Variants in ADAMTS16 observed in about 807,000 individuals in gnomAD.
ADAMTS16 encodes the protein A disintegrin and metalloproteinase with thrombospondin motifs 16.
ADAMTS16 carries 94 observed loss-of-function variants against 145.8 expected under a neutral mutation model. The observed-to-expected ratio is 0.64, with a 90% CI of 0.55 to 0.77. ADAMTS16 has a LOEUF of 0.77. Ranked by LOEUF, ADAMTS16 falls within the 30% of genes least tolerant of loss-of-function variation. ADAMTS16 has a pLI of 0.00. For missense variants in ADAMTS16, 1,585 were observed against 1,591.5 expected, an observed-to-expected ratio of 1.00 and a Z score of 0.07; for synonymous variants, 659 against 604.3, an observed-to-expected ratio of 1.09 and a Z score of -1.33.
intron 18 of ADAMTS16, among the ~76,000 whole-genome samples, chr5:5,274,616 T>C (rs1204268275): frequency 6.6e-6 from 1 of 152,142 alleles, no homozygotes; most frequent in East Asian, 1.9e-4. Flanking sequence ...GACATCTTGG[T>C]TGCTTTACTT....
intron 18 of ADAMTS16, among the ~76,000 whole-genome samples, chr5:5,291,777 G>A (rs953681961): frequency 6.6e-6 from 1 of 152,036 alleles, no homozygotes. Flanking sequence ...CCCTGTTGGT[G>A]CCTGGCTATA....
intron 3 of ADAMTS16, among the ~76,000 whole-genome samples, chr5:5,175,732 T>C (rs1028799363): frequency 6.6e-6 from 1 of 152,174 alleles, no homozygotes; most frequent in Non-Finnish European, 1.5e-5. Flanking sequence ...GGTCTAAATG[T>C]TCCGTCTGTG....
Position 5,239,797 on chromosome 5 carries a change from G to A in ADAMTS16, c.2395G>A (p.Gly799Arg). 1 of 1,614,134 alleles carries A rather than the reference G, an allele frequency of 6.2e-7. No individual in the cohort carries two copies. Among genetic ancestry groups the A allele is most frequent in the Non-Finnish European group, 8.5e-7 (1 of 1,180,034 alleles). Residue 799 changes from glycine to arginine, a missense_variant, in exon 16 of 23, where the codon GGG (glycine) becomes AGG (arginine). Coordinates refer to ENST00000274181, the MANE Select transcript of ADAMTS16 (RefSeq NM_139056.4). ...TGCCCTCAGAAGGTACTACCTGAAT[G>A]GGCACTGGACCGTGGACTGGCCCGG... The part of the protein sequence containing the change: ...RNALRRYYLN[G>R]HWTVDWPGRY...
chr5:5,168,456 G>T (rs1365261654), intron 3 of ADAMTS16, among the ~76,000 whole-genome samples: 1 of 143,466 alleles, frequency 7.0e-6, no homozygotes, highest in Admixed American at 7.1e-5. Flanking sequence ...TTAATGCCTA[G>T]TTTATTTATT....
chr5:5,195,087 G>A (rs535858942), intron 8 of ADAMTS16, among the ~76,000 whole-genome samples: 2 of 152,280 alleles, frequency 1.3e-5, no homozygotes, highest in African/African-American at 4.8e-5. Flanking sequence ...GTTTATGCTA[G>A]GGAATGTGAC....
rs1488928776 is a variant in ADAMTS16, at chr5:5,303,368, C to T, written c.2890C>T (p.Pro964Ser). 1 of 1,600,302 alleles carries T rather than the reference C, an allele frequency of 6.2e-7. No homozygotes were observed. The change falls in exon 19 of 23, where the codon CCA becomes TCA. Residue 964 changes from proline (P) to serine (S), a missense_variant. Pro to Ser is a moderately conservative substitution (Grantham distance 74). Around this residue, in one of 3 missense-constraint regions of ADAMTS16, gnomAD observed 834 missense variants for 811.7 expected, o/e 1.03. Coordinates refer to ENST00000274181, the MANE Select transcript of ADAMTS16 (RefSeq NM_139056.4). ...CTRRVHYDSE[P>S]VPASLCPQPA... ...ACGGCGGGTGCACTATGACTCGGAG[C>T]CAGTCCCGGCCAGCCTGTGCCCTCA...
chr5:5,150,536 C>T (rs1369103351), intron 3 of ADAMTS16, among the ~76,000 whole-genome samples: 4 of 152,202 alleles, frequency 2.6e-5, no homozygotes, highest in Non-Finnish European at 4.4e-5. Flanking sequence ...GGGTTTTATA[C>T]CCGGGCACAT....
chr5:5,259,972 A>G lies in ADAMTS16; in HGVS notation c.2663-2685A>G, dbSNP rs189408991. On this transcript the variant is annotated intron_variant, in intron 17 of 22. Coordinates refer to ENST00000274181, the MANE Select transcript of ADAMTS16 (RefSeq NM_139056.4). ...TGCCTGGGGGGACTTTGGACACTCA[A>G]AGGCCAATCCCAAATCCATCTTTGA... 9.9e-4 allele frequency among the ~76,000 whole-genome samples: 151 copies of G among 152,272 alleles called. 1 individual carries two copies. The South Asian group carries it at 0.023, about 24-fold the overall frequency.
intron 8 of ADAMTS16, among the ~76,000 whole-genome samples, chr5:5,192,667 T>C (rs559775231): frequency 6.6e-6 from 1 of 152,250 alleles, no homozygotes; most frequent in African/African-American, 2.4e-5. Context: ...CAGTCCTAGG[T>C]TGGCGGTCTC....
chr5:5,165,324 T>A (rs371933516), intron 3 of ADAMTS16, among the ~76,000 whole-genome samples: 6 of 152,194 alleles, frequency 3.9e-5, no homozygotes, highest in Non-Finnish European at 7.3e-5. Context: ...TCCCACTGTG[T>A]TTATCCATTC....
intron 17 of ADAMTS16, among the ~76,000 whole-genome samples, chr5:5,246,087 A>G (rs1737430589): frequency 6.6e-6 from 1 of 152,166 alleles, no homozygotes; most frequent in African/African-American, 2.4e-5. Flanking sequence ...ACTTTTGTTT[A>G]CCTTGTCAAA....
rs563566124 is a variant in ADAMTS16 at position 5,150,538 on chromosome 5, C to T, written c.501+4083C>T. 5.9e-5 allele frequency among the ~76,000 whole-genome samples: 9 copies of T among 152,336 alleles called. No homozygotes were observed. The East Asian group carries it at 7.7e-4, about 13-fold the overall frequency. ...AGCAGCCCACCCTGGGTTTTATACC[C>T]GGGCACATGACGTGCTGGACAAGTT... On this transcript the variant is annotated intron_variant, in intron 3 of 22. Coordinates refer to ENST00000274181, the MANE Select transcript of ADAMTS16 (RefSeq NM_139056.4).
chr5:5,208,344 A>G (rs905312516), intron 9 of ADAMTS16, among the ~76,000 whole-genome samples: 3 of 152,220 alleles, frequency 2.0e-5, no homozygotes, highest in Non-Finnish European at 2.9e-5. Context: ...GGAAGGGCCT[A>G]TTGAAATTTG....
At chr5:5,266,242 A>G (rs1738235334) in intron 18 of ADAMTS16, among the ~76,000 whole-genome samples, 1 of 152,158 alleles carries the variant, frequency 6.6e-6, no homozygotes, top group Non-Finnish European at 1.5e-5. Flanking sequence ...AACTCACCCC[A>G]ACACAGGAAC....
rs199933918 is a variant in ADAMTS16, at chr5:5,201,538, G to GT, written c.1451+1279dup. ...CTAATACTTCCAACAAAAGCAAAGG[G>GT]TTTTTTTTTTAAGTAACAGCTTTAA... is the stretch of plus-strand genomic sequence containing the variant. On this transcript the variant is annotated intron_variant, in intron 9 of 22. Coordinates refer to ENST00000274181, the MANE Select transcript of ADAMTS16 (RefSeq NM_139056.4). 3.0e-3 allele frequency among the ~76,000 whole-genome samples: 445 copies of GT among 148,016 alleles called. 7 individuals are homozygous for GT. In the East Asian group the frequency reaches 0.052, roughly 17 times the overall value.
chr5:5,279,782 T>C (rs1465353289), intron 18 of ADAMTS16, among the ~76,000 whole-genome samples: 1 of 152,028 alleles, frequency 6.6e-6, no homozygotes, highest in Non-Finnish European at 1.5e-5. Context: ...CAAATGCTCA[T>C]TTTATTTTTT....
At position 5,261,488 on chromosome 5, in the gene ADAMTS16, T is replaced by C. The variant is rs116673501; in HGVS notation, c.2663-1169T>C. Among the ~76,000 whole-genome samples, 396 of 86,358 alleles carry C rather than the reference T, an allele frequency of 4.6e-3. 1 individual carries two copies. The highest frequency in any genetic ancestry group is 0.018 in the African/African-American group (384 of 21,926). The allele number at this position is 86,358 out of a possible 152,430, so 56.7% of individuals were successfully genotyped here. On this transcript the variant is annotated intron_variant, in intron 17 of 22. Transcript: ENST00000274181. Reference sequence around the variant, plus strand: ...CTCAAAGTGTCTTTTAGTTATAGCCTCTTTTTTTTTTTTTTTTTTGTCAGA... The same window carrying C: ...CTCAAAGTGTCTTTTAGTTATAGCCCCTTTTTTTTTTTTTTTTTTGTCAGA...
rs1381935243 is a variant in ADAMTS16 at position 5,232,505 on chromosome 5, C to A, written c.1839C>A (p.Cys613Ter). 1 of 1,613,328 alleles carries A rather than the reference C, an allele frequency of 6.2e-7. No individual in the cohort carries two copies. The highest frequency in any genetic ancestry group is 8.5e-7 in the Non-Finnish European group (1 of 1,179,868). ...GGGVSHRSRLCTNPKPSHGGK... is the reference protein window; with the variant it reads ...GGGVSHRSRL ...GAGTATCTCATAGGAGTCGCCTCTG[C>A]ACCAACCCCAAGTAAGTATGCCTTG... Residue 613 changes from cysteine (C) to a stop codon, truncating the protein, a stop_gained, in exon 12 of 23, where the codon TGC becomes TGA. Coordinates refer to ENST00000274181, the MANE Select transcript of ADAMTS16 (RefSeq NM_139056.4). LOFTEE classifies it high-confidence loss of function.
At chr5:5,311,325 A>G (rs7704687) in intron 21 of ADAMTS16, among the ~76,000 whole-genome samples, 80,980 of 148,570 alleles carry the variant, frequency 0.55, 22,388 homozygotes, top group Admixed American at 0.58. Flanking sequence ...AAACAAAAAA[A>G]CAAAAAAACA....
Sources: gnomAD v4.1 joint callset for allele counts (sites outside exome capture counted in the v4.1 genomes callset) on GRCh38, gnomAD v4.1.1 for gene constraint, gnomAD v4.1.1 regional missense constraint, MANE v1.5 for transcripts, NCBI Gene and HGNC (gene_info 2026-07-23, HGNC 2026-07-21) for gene names.